NKAIN3: variants seen among roughly 807,000 people sequenced by gnomAD.
The protein encoded by NKAIN3 is sodium/potassium transporting ATPase interacting 3.
NKAIN3 carries 25 observed loss-of-function variants against 30.2 expected under a neutral mutation model. The ratio of observed to expected loss-of-function variants is 0.83; its 90% CI spans 0.60 to 1.16. The LOEUF is 1.16. Ranked by LOEUF, NKAIN3 falls within the 50% of genes most tolerant of loss-of-function variation. The pLI, the probability that NKAIN3 is intolerant of heterozygous loss-of-function variation, is 0.00. For missense variants in NKAIN3, 225 were observed against 254.1 expected, an observed-to-expected ratio of 0.89 and a Z score of 0.78; for synonymous variants, 91 against 89.6, an observed-to-expected ratio of 1.02 and a Z score of -0.09.
intron 1 of NKAIN3, among the ~76,000 whole-genome samples, chr8:62,361,320 G>A (rs1234068655): frequency 6.6e-6 from 1 of 152,220 alleles, no homozygotes; most frequent in African/African-American, 2.4e-5. Flanking sequence ...CTTTGCCTTT[G>A]AAGTTTATAT....
chr8:62,572,971 G>A (rs1468548764), intron 1 of NKAIN3, among the ~76,000 whole-genome samples: 2 of 152,142 alleles, frequency 1.3e-5, no homozygotes, highest in Non-Finnish European at 2.9e-5. Context: ...AAGCAAGCAG[G>A]GACATTTCTT....
intron 1 of NKAIN3, among the ~76,000 whole-genome samples, chr8:62,333,924 G>A (rs958668241): frequency 7.2e-5 from 11 of 152,056 alleles, no homozygotes; most frequent in Non-Finnish European, 1.3e-4. Context: ...TTCCTCAGGT[G>A]TAAGGTCTAT....
chr8:62,752,706 T>C (rs544432996), intron 4 of NKAIN3, among the ~76,000 whole-genome samples: 1 of 152,292 alleles, frequency 6.6e-6, no homozygotes, highest in African/African-American at 2.4e-5. Flanking sequence ...TCCCATTAAC[T>C]AGAACTGTAC....
At chr8:62,723,107 C>T (rs1815142775) in intron 3 of NKAIN3, among the ~76,000 whole-genome samples, 1 of 152,010 alleles carries the variant, frequency 6.6e-6, no homozygotes, top group African/African-American at 2.4e-5. Context: ...GCTGCCGCAT[C>T]CATAGGTCAA....
intron 1 of NKAIN3, among the ~76,000 whole-genome samples, chr8:62,319,917 A>G (rs930256681): frequency 7.5e-4 from 114 of 152,024 alleles, no homozygotes; most frequent in Non-Finnish European, 3.5e-4. Context: ...GATCTGTCTA[A>G]TGTTGACAGT....
chr8:62,607,955 C>T (rs1353057853), intron 3 of NKAIN3, among the ~76,000 whole-genome samples: 1 of 152,082 alleles, frequency 6.6e-6, no homozygotes, highest in East Asian at 1.9e-4. Flanking sequence ...CAAGCATAAT[C>T]TTGCAAATCT....
At chr8:62,721,572 G>A (rs1199405143) in intron 3 of NKAIN3, among the ~76,000 whole-genome samples, 5 of 152,182 alleles carry the variant, frequency 3.3e-5, no homozygotes, top group Non-Finnish European at 5.9e-5. Flanking sequence ...TGCTGGCTTT[G>A]TGCACTATAA....
At chr8:62,672,072 T>A (rs902597304) in intron 3 of NKAIN3, among the ~76,000 whole-genome samples, 3 of 151,894 alleles carry the variant, frequency 2.0e-5, no homozygotes, top group Admixed American at 6.6e-5. Flanking sequence ...ACCACATGAA[T>A]CCCTAAAAGA....
intron 4 of NKAIN3, among the ~76,000 whole-genome samples, chr8:62,877,578 C>T (rs892717164): frequency 6.6e-6 from 1 of 152,186 alleles, no homozygotes; most frequent in Non-Finnish European, 1.5e-5. Flanking sequence ...TGGCCTGGAG[C>T]CAGACACCTC....
intron 4 of NKAIN3, among the ~76,000 whole-genome samples, chr8:62,756,069 A>C (rs549532172): frequency 6.6e-6 from 1 of 152,174 alleles, no homozygotes; most frequent in Non-Finnish European, 1.5e-5. Flanking sequence ...ATGTGTATAC[A>C]TTTTTGTCAG....
intron 4 of NKAIN3, among the ~76,000 whole-genome samples, chr8:62,818,539 C>T (rs1020350605): frequency 6.6e-6 from 1 of 151,162 alleles, no homozygotes. Context: ...TGTGATCTAC[C>T]TTGTGTCTTG....
At chr8:62,509,619 C>T (rs894835479) in intron 1 of NKAIN3, among the ~76,000 whole-genome samples, 31 of 152,096 alleles carry the variant, frequency 2.0e-4, no homozygotes, top group South Asian at 4.1e-4. Flanking sequence ...CCATGAGACA[C>T]GGGCCCACAA....
At chr8:62,873,158 A>G (rs530719144) in intron 4 of NKAIN3, among the ~76,000 whole-genome samples, 1 of 152,274 alleles carries the variant, frequency 6.6e-6, no homozygotes, top group Non-Finnish European at 1.5e-5. Context: ...TGCCAAGCAG[A>G]TGGAAAGCAA....
intron 3 of NKAIN3, among the ~76,000 whole-genome samples, chr8:62,693,540 C>A (rs754225435): frequency 2.6e-5 from 4 of 152,212 alleles, no homozygotes; most frequent in African/African-American, 4.8e-5. Flanking sequence ...AGTCTGACAA[C>A]AGTACACACA....
chr8:62,585,035 AT>A (rs1810426757), intron 2 of NKAIN3, among the ~76,000 whole-genome samples: 1 of 152,216 alleles, frequency 6.6e-6, no homozygotes, highest in Non-Finnish European at 1.5e-5. Flanking sequence ...GGATGAAAGG[AT>A]TTTACAAGAT....
intron 4 of NKAIN3, among the ~76,000 whole-genome samples, chr8:62,789,167 A>G (rs1817624643): frequency 6.6e-6 from 1 of 152,128 alleles, no homozygotes; most frequent in African/African-American, 2.4e-5. Context: ...ACCCATGAGC[A>G]TGGAATGTTC....
chr8:62,443,845 T>G (rs1383630326), intron 1 of NKAIN3, among the ~76,000 whole-genome samples: 1 of 152,164 alleles, frequency 6.6e-6, no homozygotes, highest in Non-Finnish European at 1.5e-5. Flanking sequence ...TTTCTAAAAA[T>G]TCATTCTTAC....
chr8:62,949,964 T>G (rs1823236689), intron 5 of NKAIN3, among the ~76,000 whole-genome samples: 1 of 152,194 alleles, frequency 6.6e-6, no homozygotes, highest in Non-Finnish European at 1.5e-5. Flanking sequence ...TCTATTTCTT[T>G]TCGTGTTTCA....
chr8:62,822,939 G>A (rs142463998), intron 4 of NKAIN3, among the ~76,000 whole-genome samples: 36 of 152,224 alleles, frequency 2.4e-4, no homozygotes, highest in African/African-American at 7.9e-4. Context: ...GTTATTGTAG[G>A]CAATTGTAAC....
Sources: allele counts gnomAD v4.1 joint callset (sites outside exome capture counted in the v4.1 genomes callset), GRCh38; gene constraint gnomAD v4.1.1; transcripts MANE v1.5; gene names NCBI Gene and HGNC (gene_info 2026-07-23, HGNC 2026-07-21).